Variants in SH2D3C observed in about 807,000 individuals in gnomAD.
The protein encoded by SH2D3C is SH2 domain containing 3C, also known as SH2 domain-containing protein 3C.
A neutral mutation model predicts 75.2 loss-of-function variants in SH2D3C; 25 were observed. That is an observed-to-expected ratio of 0.33 (90% CI 0.24 to 0.46). The LOEUF is 0.46. Ranked by LOEUF, SH2D3C falls within the 20% of genes least tolerant of loss-of-function variation. The pLI, the probability that SH2D3C is intolerant of heterozygous loss-of-function variation, is 1.00. For synonymous variants in SH2D3C, 450 were observed against 473.7 expected (o/e 0.95, Z 0.65); for missense variants, 933 against 1,165.3 (o/e 0.80, Z 2.90).
intron 3 of SH2D3C, among the ~76,000 whole-genome samples, chr9:127,753,717 T>C (rs1419171870): frequency 6.6e-6 from 1 of 152,006 alleles, no homozygotes; most frequent in East Asian, 1.9e-4. Context: ...CACCAAACCC[T>C]GGAAAGGGGA....
chr9:127,773,862 G>A, intron 2 of SH2D3C, 128 bp downstream of exon 2: 1 of 617,898 alleles, frequency 1.6e-6, no homozygotes, highest in South Asian at 2.1e-5. Context: ...AGGTTGCAGT[G>A]AACCGGGATC....
chr9:127,772,570 TTTTC>T (rs1467864309), intron 2 of SH2D3C, among the ~76,000 whole-genome samples: 2 of 151,704 alleles, frequency 1.3e-5, no homozygotes, highest in African/African-American at 4.8e-5. Context: ...AGCTGACTTT[TTTTC>T]TTTATTTCAA....
chr9:127,763,645 C>A (rs1253667014), intron 2 of SH2D3C, among the ~76,000 whole-genome samples: 2 of 152,170 alleles, frequency 1.3e-5, no homozygotes, highest in Admixed American at 1.3e-4. Context: ...AAGGCCTCAG[C>A]CTTCCCATCT....
At chr9:127,741,302 G>T (rs558961810) in intron 9 of SH2D3C, among the ~76,000 whole-genome samples, 1 of 149,456 alleles carries the variant, frequency 6.7e-6, no homozygotes, top group African/African-American at 2.5e-5. Context: ...GTGCAGTGGC[G>T]CAATCTTGGC....
chr9:127,774,365 G>A lies in SH2D3C; in HGVS notation c.140C>T (p.Pro47Leu). 2 of 1,613,832 alleles carry A rather than the reference G, an allele frequency of 1.2e-6. No homozygotes were observed. Among genetic ancestry groups the A allele is most frequent in the Non-Finnish European group, 1.7e-6 (2 of 1,179,814 alleles). ...ATCCTGCGTGGCTTCAAAGGTGTCA[G>A]GCTCCAAATGGGACTGCCTACTGAT... ...ASISRQSHLE[P>L]DTFEATQDDM... Residue 47 changes from proline (P) to leucine (L), a missense_variant, in exon 2 of 12, where the codon CCT (proline) becomes CTT (leucine). Transcript: ENST00000314830. This position sits in a 1 kb window ranked among gnomAD's most constrained non-coding sequence, Gnocchi z 4.3.
At chr9:127,741,691 C>T (rs1844860388) in intron 9 of SH2D3C, 97 bp downstream of exon 9, 1 of 1,425,250 alleles carries the variant, frequency 7.0e-7, no homozygotes, top group Admixed American at 2.5e-5. Flanking sequence ...CTAGAAATTC[C>T]AAAGCTCCTC....
At chr9:127,765,984 T>C (rs73608017) in intron 2 of SH2D3C, among the ~76,000 whole-genome samples, 114 of 152,340 alleles carry the variant, frequency 7.5e-4, no homozygotes, top group African/African-American at 2.6e-3. Context: ...TGATACCACT[T>C]ATTGCATACA....
rs757096056 is a variant in SH2D3C at position 127,749,343 on chromosome 9, T to A, written c.1007A>T (p.Gln336Leu). The change falls in exon 5 of 12, where the codon CAG (glutamine) becomes CTG (leucine). Residue 336 changes from glutamine to leucine, a missense_variant. Coordinates refer to ENST00000314830, the MANE Select transcript of SH2D3C (RefSeq NM_170600.3). This position sits in a 1 kb window ranked among gnomAD's most constrained non-coding sequence, Gnocchi z 5.9. ...GGGGCTAGCAGGCTTGCTACTCCCC[T>A]GTCCCAGGCCATAGCTGGCCTCGAG... Reference protein sequence around the residue: ...RYLEASYGLGQGSSKPASPVS... With the variant: ...RYLEASYGLGLGSSKPASPVS... 1.2e-5 allele frequency: 20 copies of A among 1,613,436 alleles called. No individual in the cohort carries two copies. The South Asian group carries it at 2.2e-4, about 18-fold the overall frequency.
chr9:127,747,056 AG>A, intron 6 of SH2D3C, 90 bp downstream of exon 6: 4 of 1,367,580 alleles, frequency 2.9e-6, no homozygotes, highest in Non-Finnish European at 4.0e-6. Context: ...GCCTCATAAA[AG>A]AGGCGGAAAC....
chr9:127,754,973 C>T lies in SH2D3C; in HGVS notation c.556-3673G>A. ...CCGGGCCCAGCCCAGCCCGACCCTG[C>T]CGGGCGCCGCTGAGCTGCAGCTCCC... On this transcript the variant is annotated intron_variant, in intron 3 of 11. Coordinates refer to ENST00000314830, the MANE Select transcript of SH2D3C (RefSeq NM_170600.3). The surrounding 1 kb of genome is among the most constrained non-coding windows in gnomAD (Gnocchi z 4.4). The T allele has an allele frequency of 3.7e-6, 2 of 536,872 alleles. No homozygotes were observed. The highest frequency in any genetic ancestry group is 5.7e-6 in the Non-Finnish European group (2 of 353,666). The allele number at this position is 536,872 out of a possible 1,614,324, so 33.3% of individuals were successfully genotyped here. A position where few individuals can be genotyped will look rare whatever the true frequency, so the allele number is the denominator to read the frequency against.
At chr9:127,763,650 C>G (rs1845579346) in intron 2 of SH2D3C, among the ~76,000 whole-genome samples, 2 of 152,166 alleles carry the variant, frequency 1.3e-5, no homozygotes, top group African/African-American at 4.8e-5. Context: ...CTCAGCCTTC[C>G]CATCTGCAAA....
At chr9:127,757,636 G>T (rs12002269) in intron 3 of SH2D3C, among the ~76,000 whole-genome samples, 31,363 of 86,352 alleles carry the variant, frequency 0.36, 4,316 homozygotes, top group African/African-American at 0.4. Flanking sequence ...TGATGATGAT[G>T]ATGATGATGA....
chr9:127,771,777 A>G (rs967025087), intron 2 of SH2D3C, among the ~76,000 whole-genome samples: 3 of 152,124 alleles, frequency 2.0e-5, no homozygotes, highest in Non-Finnish European at 4.4e-5. Flanking sequence ...TTGGTCCTTT[A>G]CTCCCGAATG....
chr9:127,744,604 G>T lies in SH2D3C; in HGVS notation c.1760C>A (p.Ala587Asp), dbSNP rs757039251. 1 of 1,612,588 alleles carries T rather than the reference G, an allele frequency of 6.2e-7. No homozygotes were observed. The highest frequency in any genetic ancestry group is 8.5e-7 in the Non-Finnish European group (1 of 1,178,692). The change falls in exon 7 of 12, where the codon GCC (alanine) becomes GAC (aspartate). Residue 587 changes from alanine to aspartate, a missense_variant. Coordinates refer to ENST00000314830, the MANE Select transcript of SH2D3C (RefSeq NM_170600.3). ...GGTGACATGCCGGGCCAGCGTCCGG[G>T]CATCCACTTCTGCCAGCAGCTCCTT... Reference protein sequence around the residue: ...KVKELLAEVDARTLARHVTKV... With the variant: ...KVKELLAEVDDRTLARHVTKV...
intron 2 of SH2D3C, among the ~76,000 whole-genome samples, chr9:127,764,453 A>G (rs1845594905): frequency 6.6e-6 from 1 of 152,158 alleles, no homozygotes; most frequent in African/African-American, 2.4e-5. Context: ...AGTCCTGTTC[A>G]AAGGAAGGCC....
At chr9:127,761,881 G>A (rs1845535455) in intron 2 of SH2D3C, among the ~76,000 whole-genome samples, 1 of 152,166 alleles carries the variant, frequency 6.6e-6, no homozygotes, top group African/African-American at 2.4e-5. Context: ...TGTAAATCAG[G>A]AATAATGACA....
intron 2 of SH2D3C, chr9:127,766,975 G>A (rs1485703773): frequency 2.0e-6 from 3 of 1,536,030 alleles, no homozygotes; most frequent in African/African-American, 2.7e-5. Flanking sequence ...AAAAAGAGCT[G>A]GGTGGAAAGC....
In SH2D3C at chr9:127,749,434, C is replaced by G. The variant is rs760958717; in HGVS notation, c.916G>C (p.Ala306Pro). ...ATGGCACCACTCTGCTCTGACACAG[C>G]CTTGCGGCTGCCCACATGATAGCGC... ...LVRYHVGSRK[A>P]VSEQSGAIIY... Residue 306 changes from alanine to proline, a missense_variant, in exon 5 of 12, where the codon GCT (alanine) becomes CCT (proline). Ala to Pro is a conservative substitution (Grantham distance 27, BLOSUM62 -1). Coordinates refer to ENST00000314830, the MANE Select transcript of SH2D3C (RefSeq NM_170600.3). This position sits in a 1 kb window ranked among gnomAD's most constrained non-coding sequence, Gnocchi z 5.9. The G allele has an allele frequency of 1.2e-6, 2 of 1,614,226 alleles. No homozygotes were observed. The highest frequency in any genetic ancestry group is 1.7e-6 in the Non-Finnish European group (2 of 1,180,054).
intron 2 of SH2D3C, among the ~76,000 whole-genome samples, chr9:127,765,254 C>T (rs1248211667): frequency 3.3e-5 from 5 of 152,172 alleles, no homozygotes; most frequent in African/African-American, 1.2e-4. Flanking sequence ...TGATCTTCCT[C>T]CACTACCACA....
Sources: allele counts gnomAD v4.1 joint callset (sites outside exome capture counted in the v4.1 genomes callset), GRCh38; gene constraint gnomAD v4.1.1; non-coding constraint Gnocchi (gnomAD v3.1); transcripts MANE v1.5; gene names NCBI Gene and HGNC (gene_info 2026-07-23, HGNC 2026-07-21).